Variants in AIG1 observed in about 807,000 individuals in gnomAD.
AIG1 encodes the protein androgen-induced gene 1 protein.
Under a neutral mutation model 31.4 loss-of-function variants are expected in AIG1, and 23 were observed. The observed-to-expected ratio is 0.73, with a 90% CI of 0.53 to 1.04. AIG1 has a LOEUF of 1.04. Among genes scored for constraint, AIG1 ranks in the 50% least tolerant of loss-of-function variants. The pLI is 0.00. For synonymous variants in AIG1, 100 were observed against 110.5 expected (o/e 0.90, Z 0.60); for missense variants, 274 against 295.0 (o/e 0.93, Z 0.52).
At position 143,291,273 on chromosome 6, in the gene AIG1, G is replaced by A. The variant is rs1007559308; in HGVS notation, c.515+7048G>A. ...CATAGAGGAAGGTTGCTGGAGTTGA[G>A]CTGTCTTGATGGTGGCCCACCCAAG... On this transcript the variant is annotated intron_variant, in intron 4 of 5. Transcript: ENST00000357847. This position sits in a 1 kb window ranked among gnomAD's most constrained non-coding sequence, Gnocchi z 4.2. Among the ~76,000 whole-genome samples the A allele has an allele frequency of 2.6e-5, 4 of 152,188 alleles. No individual in the cohort carries two copies. Among genetic ancestry groups the A allele is most frequent in the African/African-American group, 7.2e-5 (3 of 41,442 alleles).
chr6:143,187,692 T>A (rs1267429038), intron 3 of AIG1: 1 of 1,536,098 alleles, frequency 6.5e-7, no homozygotes, highest in Non-Finnish European at 8.7e-7. Flanking sequence ...TGAAGCAGGC[T>A]GCCTCTCCAC....
chr6:143,331,785 A>G lies in AIG1; in HGVS notation c.516-1497A>G, dbSNP rs1341689456. Among the ~76,000 whole-genome samples, 1 of 151,524 alleles carries G rather than the reference A, an allele frequency of 6.6e-6. No homozygotes were observed. The highest frequency in any genetic ancestry group is 1.5e-5 in the Non-Finnish European group (1 of 67,928). On this transcript the variant is annotated intron_variant, in intron 4 of 5. Transcript: ENST00000357847. This position sits in a 1 kb window ranked among gnomAD's most constrained non-coding sequence, Gnocchi z 4.1. ...GGGATCTCACCCTCATTGATAACGCAGGTTCTCAGGTATAGATCCCCAGGT... is the reference window on the plus strand; with the variant it reads ...GGGATCTCACCCTCATTGATAACGCGGGTTCTCAGGTATAGATCCCCAGGT...
At chr6:143,177,988 G>A (rs1278453161) in intron 3 of AIG1, among the ~76,000 whole-genome samples, 2 of 152,226 alleles carry the variant, frequency 1.3e-5, no homozygotes, top group Non-Finnish European at 2.9e-5. Context: ...GGTGGGCCTG[G>A]TCAGGCGGAT....
intron 2 of AIG1, among the ~76,000 whole-genome samples, chr6:143,146,137 C>T (rs1050471643): frequency 6.6e-6 from 1 of 151,950 alleles, no homozygotes; most frequent in Non-Finnish European, 1.5e-5. Flanking sequence ...CCTTGAACAC[C>T]CTTCCCCCTA....
rs75204484 is a variant in AIG1 at position 143,139,605 on chromosome 6, A to G, written c.297+2615A>G. Among the ~76,000 whole-genome samples the G allele has an allele frequency of 3.5e-3, 532 of 152,064 alleles. 4 individuals are homozygous for G. Among genetic ancestry groups the G allele is most frequent in the African/African-American group, 0.012 (498 of 41,462 alleles). On this transcript the variant is annotated intron_variant, in intron 2 of 5. Coordinates refer to ENST00000357847, the MANE Select transcript of AIG1 (RefSeq NM_016108.4). ...GTTACTGTGAGTCACTGTTCCCTTC[A>G]TAGTTACTAGTCTATTATTTTCCTA...
intron 3 of AIG1, among the ~76,000 whole-genome samples, chr6:143,226,446 G>C (rs1425362897): frequency 6.6e-6 from 1 of 151,492 alleles, no homozygotes. Flanking sequence ...GGGTTTCACC[G>C]TGTTGGCCAG....
intron 3 of AIG1, chr6:143,189,276 T>G (rs1002858082): frequency 3.9e-6 from 2 of 507,762 alleles, no homozygotes; most frequent in Non-Finnish European, 5.1e-6. Flanking sequence ...GACAATGGCC[T>G]CATTATGTTT....
chr6:143,072,752 A>G (rs1428530137), intron 1 of AIG1, among the ~76,000 whole-genome samples: 3 of 152,222 alleles, frequency 2.0e-5, no homozygotes, highest in East Asian at 1.9e-4. Flanking sequence ...AATAAATTTC[A>G]TTGTGTGTAT....
At chr6:143,177,570 A>G (rs1788287091) in intron 3 of AIG1, among the ~76,000 whole-genome samples, 1 of 152,244 alleles carries the variant, frequency 6.6e-6, no homozygotes, top group African/African-American at 2.4e-5. Context: ...TATAATCAGC[A>G]TCATTGGTGT....
intron 3 of AIG1, among the ~76,000 whole-genome samples, chr6:143,213,261 G>T (rs947759825): frequency 4.6e-5 from 7 of 152,052 alleles, no homozygotes; most frequent in Non-Finnish European, 7.4e-5. Context: ...CTATTAAATG[G>T]CAATCACTGT....
rs530047682 is a variant in AIG1, at chr6:143,138,716, A to AC, written c.297+1730dup. Among the ~76,000 whole-genome samples, 51 of 151,988 alleles carry AC rather than the reference A, an allele frequency of 3.4e-4. No individual in the cohort carries two copies. In the East Asian group the frequency reaches 5.0e-3, roughly 15 times the overall value. On this transcript the variant is annotated intron_variant, in intron 2 of 5. Coordinates refer to ENST00000357847, the MANE Select transcript of AIG1 (RefSeq NM_016108.4). ...AGACCATCCTGGCTAACACAGTGAA[A>AC]CCCCATCTCTACTAAAAATACAAAA...
intron 4 of AIG1, among the ~76,000 whole-genome samples, chr6:143,314,874 A>G (rs534552881): frequency 3.7e-4 from 56 of 152,308 alleles, no homozygotes; most frequent in Non-Finnish European, 7.6e-4. Flanking sequence ...TGAAAATATA[A>G]AAACTGTTCT....
chr6:143,186,967 TAAAAC>T (rs1229691675), intron 3 of AIG1, among the ~76,000 whole-genome samples: 1 of 152,156 alleles, frequency 6.6e-6, no homozygotes, highest in African/African-American at 2.4e-5. Flanking sequence ...GTCCAATAAA[TAAAAC>T]AAAATTAAAC....
chr6:143,254,344 G>C (rs890700848), intron 3 of AIG1, among the ~76,000 whole-genome samples: 11 of 152,080 alleles, frequency 7.2e-5, no homozygotes, highest in African/African-American at 2.2e-4. Flanking sequence ...TGGACATTTT[G>C]GCCCAGGTGG....
rs368308461 is a variant in AIG1 at position 143,284,272 on chromosome 6, C to G, written c.515+47C>G. 81 of 1,399,600 alleles carry G rather than the reference C, an allele frequency of 5.8e-5. No individual in the cohort carries two copies. Among genetic ancestry groups the G allele is most frequent in the South Asian group, 4.1e-4 (34 of 83,236 alleles). The allele number at this position is 1,399,600 out of a possible 1,614,324, so 86.7% of individuals were successfully genotyped here. ...CTTTCTTATTGTATTAGATTTTGCA[C>G]TGCTAAATTTGGGCACATATTTCAT... On this transcript the variant is annotated intron_variant, in intron 4 of 5. Transcript: ENST00000357847. This position sits in a 1 kb window ranked among gnomAD's most constrained non-coding sequence, Gnocchi z 4.4.
chr6:143,081,078 C>T (rs1423858122), intron 1 of AIG1, among the ~76,000 whole-genome samples: 4 of 152,156 alleles, frequency 2.6e-5, no homozygotes, highest in Admixed American at 6.5e-5. Flanking sequence ...GAAGGGCTGT[C>T]CATACAGCAT....
chr6:143,314,335 CA>C (rs1775557930), intron 4 of AIG1, among the ~76,000 whole-genome samples: 1 of 151,568 alleles, frequency 6.6e-6, no homozygotes, highest in Non-Finnish European at 1.5e-5. Flanking sequence ...GCCTGGGTGA[CA>C]GAGTGAGATC....
intron 2 of AIG1, among the ~76,000 whole-genome samples, chr6:143,159,200 G>GA (rs549715926): frequency 1.1e-3 from 160 of 152,348 alleles, no homozygotes; most frequent in Non-Finnish European, 1.6e-3. Flanking sequence ...CCTGAATCAG[G>GA]AAAGAGCTTA....
At chr6:143,273,615 C>T (rs889759490) in intron 3 of AIG1, among the ~76,000 whole-genome samples, 2 of 152,282 alleles carry the variant, frequency 1.3e-5, no homozygotes, top group East Asian at 1.9e-4. Context: ...TTAATGGACT[C>T]ATAGTTCCAC....
Sources: allele counts gnomAD v4.1 joint callset (sites outside exome capture counted in the v4.1 genomes callset), GRCh38; gene constraint gnomAD v4.1.1; non-coding constraint Gnocchi (gnomAD v3.1); transcripts MANE v1.5; gene names NCBI Gene and HGNC (gene_info 2026-07-23, HGNC 2026-07-21).